RCSD1: variants seen among roughly 807,000 people sequenced by gnomAD.
RCSD1 encodes the protein RCSD domain containing 1, also known as capZ-interacting protein.
RCSD1 carries 26 observed loss-of-function variants against 42.5 expected under a neutral mutation model. The observed-to-expected ratio is 0.61, with a 90% CI of 0.45 to 0.85. RCSD1 has a LOEUF of 0.85. Ranked by LOEUF, RCSD1 falls within the 40% of genes least tolerant of loss-of-function variation. The pLI is 0.00. For missense variants in RCSD1, 571 were observed against 528.3 expected (o/e 1.08, Z -0.79); for synonymous variants, 220 against 212.2 (o/e 1.04, Z -0.32).
intron 1 of RCSD1, among the ~76,000 whole-genome samples, chr1:167,635,811 A>C (rs1657834458): frequency 6.6e-6 from 1 of 152,184 alleles, no homozygotes; most frequent in East Asian, 1.9e-4. Flanking sequence ...ACTCACCAAG[A>C]GGTATCTTGA....
chr1:167,657,063 G>A (rs1348157190), intron 1 of RCSD1, among the ~76,000 whole-genome samples: 3 of 152,226 alleles, frequency 2.0e-5, no homozygotes, highest in African/African-American at 4.8e-5. Context: ...CCTGTTAGAT[G>A]GGACTGATAA....
chr1:167,659,880 G>A lies in RCSD1; in HGVS notation c.7-24020G>A, dbSNP rs115770026. On this transcript the variant is annotated intron_variant, in intron 1 of 6. Coordinates refer to ENST00000367854, the MANE Select transcript of RCSD1 (RefSeq NM_052862.4). Reference sequence around the variant, plus strand: ...GCTCCAGGGCCTCCCAGGGTTACAGGGTCTTTTCCTGCCATCTTAGCCAGG... The same window carrying A: ...GCTCCAGGGCCTCCCAGGGTTACAGAGTCTTTTCCTGCCATCTTAGCCAGG... Among the ~76,000 whole-genome samples the A allele has an allele frequency of 2.6e-3, 390 of 152,168 alleles. 2 individuals carry two copies. Among genetic ancestry groups the A allele is most frequent in the African/African-American group, 9.1e-3 (377 of 41,490 alleles).
At chr1:167,685,566 T>A (rs530875576) in intron 3 of RCSD1, 56 bp downstream of exon 3, 1 of 1,465,490 alleles carries the variant, frequency 6.8e-7, no homozygotes, top group African/African-American at 1.4e-5. Flanking sequence ...TTTCCTCTTC[T>A]TGAGGAAAGT....
At chr1:167,680,251 C>T (rs143557538) in intron 1 of RCSD1, among the ~76,000 whole-genome samples, 121 of 151,946 alleles carry the variant, frequency 8.0e-4, no homozygotes, top group African/African-American at 2.8e-3. Flanking sequence ...AAAGGACAAG[C>T]TGAAGTCAAG....
intron 1 of RCSD1, among the ~76,000 whole-genome samples, chr1:167,637,898 G>T (rs185179989): frequency 2.0e-5 from 3 of 152,334 alleles, no homozygotes; most frequent in South Asian, 4.1e-4. Flanking sequence ...ATGCACCAGG[G>T]TGGACTGTAG....
At chr1:167,649,306 G>T (rs1658244952) in intron 1 of RCSD1, among the ~76,000 whole-genome samples, 1 of 152,232 alleles carries the variant, frequency 6.6e-6, no homozygotes, top group South Asian at 2.1e-4. Flanking sequence ...CCTCTTCAGG[G>T]CTTGATCCGG....
chr1:167,677,987 A>G (rs1658990798), intron 1 of RCSD1, among the ~76,000 whole-genome samples: 1 of 152,174 alleles, frequency 6.6e-6, no homozygotes, highest in African/African-American at 2.4e-5. Context: ...CCTTTGGATT[A>G]GTGATTTTGC....
intron 6 of RCSD1, among the ~76,000 whole-genome samples, chr1:167,700,508 A>G (rs544725161): frequency 9.2e-5 from 14 of 152,134 alleles, no homozygotes; most frequent in African/African-American, 2.6e-4. Context: ...AAAATTAGCC[A>G]GGCGTGGTTG....
At chr1:167,696,183 AAC>A (rs1320543552) in intron 5 of RCSD1, among the ~76,000 whole-genome samples, 1 of 151,338 alleles carries the variant, frequency 6.6e-6, no homozygotes, top group Non-Finnish European at 1.5e-5. Context: ...GCAGGTCTCT[AAC>A]CCTCTTCTCG....
chr1:167,635,564 G>A (rs1297925128), intron 1 of RCSD1, among the ~76,000 whole-genome samples: 1 of 152,224 alleles, frequency 6.6e-6, no homozygotes, highest in African/African-American at 2.4e-5. Context: ...GGTTCCGTGG[G>A]AAATCTGAAC....
Position 167,694,095 on chromosome 1 carries a change from A to G in RCSD1, c.271-4A>G, listed in dbSNP as rs745898234. ...ATTTGAAATTGTTCATCTTTTCTTGACAGGCCAATTTAACCTTTGACCCAG... is the reference window on the plus strand; with the variant it reads ...ATTTGAAATTGTTCATCTTTTCTTGGCAGGCCAATTTAACCTTTGACCCAG... On this transcript the variant is annotated splice_region_variant and splice_polypyrimidine_tract_variant and intron_variant, in intron 4 of 6. Coordinates refer to ENST00000367854, the MANE Select transcript of RCSD1 (RefSeq NM_052862.4). The G allele has an allele frequency of 6.2e-7, 1 of 1,614,080 alleles. No individual in the cohort carries two copies. The highest frequency in any genetic ancestry group is 1.7e-5 in the Admixed American group (1 of 60,018).
chr1:167,640,236 G>A (rs74119894), intron 1 of RCSD1, among the ~76,000 whole-genome samples: 2,672 of 152,152 alleles, frequency 0.018, 71 homozygotes, highest in African/African-American at 0.061. Context: ...TCTGGAGGCC[G>A]GATGTCTAAA....
At chr1:167,688,862 C>T (rs553861535) in intron 3 of RCSD1, among the ~76,000 whole-genome samples, 1 of 152,336 alleles carries the variant, frequency 6.6e-6, no homozygotes, top group Non-Finnish European at 1.5e-5. Context: ...CCTCCTCTGC[C>T]TTGGCCTCTG....
At chr1:167,647,900 A>G (rs1658205054) in intron 1 of RCSD1, among the ~76,000 whole-genome samples, 1 of 152,190 alleles carries the variant, frequency 6.6e-6, no homozygotes, top group African/African-American at 2.4e-5. Context: ...TTTGAAATTC[A>G]TCATCTTAAC....
At chr1:167,638,401 G>A (rs1437551112) in intron 1 of RCSD1, 1 of 152,234 alleles carries the variant, frequency 6.6e-6, no homozygotes, top group Non-Finnish European at 1.5e-5. Context: ...AAAGGATGCT[G>A]AGGCTTTGAG....
chr1:167,631,240 C>A (rs1657689270), intron 1 of RCSD1, among the ~76,000 whole-genome samples: 1 of 152,238 alleles, frequency 6.6e-6, no homozygotes, highest in Non-Finnish European at 1.5e-5. Flanking sequence ...CTCTTCTGCA[C>A]ATCTTGAGGC....
chr1:167,683,305 C>G (rs1659129827), intron 1 of RCSD1, among the ~76,000 whole-genome samples: 2 of 152,214 alleles, frequency 1.3e-5, no homozygotes, highest in South Asian at 4.1e-4. Flanking sequence ...TGTCAAGGCA[C>G]AGAAAGGCTA....
chr1:167,637,884 A>G (rs1214321424), intron 1 of RCSD1, among the ~76,000 whole-genome samples: 2 of 152,300 alleles, frequency 1.3e-5, no homozygotes, highest in East Asian at 3.9e-4. Context: ...GAGGCAGACA[A>G]GGGATGCACC....
chr1:167,633,446 G>A (rs188304700), intron 1 of RCSD1, among the ~76,000 whole-genome samples: 257 of 152,274 alleles, frequency 1.7e-3, no homozygotes, highest in Non-Finnish European at 2.9e-3. Context: ...CAGCTGGCTG[G>A]GAAGGAAGGT....
Sources: gnomAD v4.1 joint callset for allele counts (sites outside exome capture counted in the v4.1 genomes callset) on GRCh38, gnomAD v4.1.1 for gene constraint, MANE v1.5 for transcripts, NCBI Gene and HGNC (gene_info 2026-07-23, HGNC 2026-07-21) for gene names.